TAB2: variants seen among roughly 807,000 people sequenced by gnomAD.
TAB2 encodes TGF-beta activated kinase 1 (MAP3K7) binding protein 2.
TAB2 carries 3 observed loss-of-function variants against 65.0 expected under a neutral mutation model. The observed-to-expected ratio is 0.05, with a 90% confidence interval of 0.02 to 0.12. The LOEUF (loss-of-function observed/expected upper bound fraction) is 0.12, where lower values mean the gene tolerates loss of function less well. Ranked by LOEUF, TAB2 falls within the 10% of genes least tolerant of loss-of-function variation. The pLI is 1.00. For missense variants in TAB2, 623 were observed against 840.3 expected (o/e 0.74, Z 3.20); for synonymous variants, 298 against 285.1 (o/e 1.05, Z -0.46).
intron 1 of TAB2, among the ~76,000 whole-genome samples, chr6:149,328,532 T>A (rs759750698): frequency 5.3e-5 from 8 of 152,184 alleles, no homozygotes; most frequent in Non-Finnish European, 8.8e-5. Flanking sequence ...GACCTTGTGA[T>A]TGGCCCGCCT....
intron 1 of TAB2, among the ~76,000 whole-genome samples, chr6:149,287,756 C>T (rs1280123829): frequency 1.3e-5 from 2 of 152,114 alleles, no homozygotes; most frequent in Non-Finnish European, 2.9e-5. Context: ...TCACTATTCC[C>T]TGTGGAGAGA....
chr6:149,394,186 C>A (rs956392067), intron 3 of TAB2, among the ~76,000 whole-genome samples: 1 of 152,040 alleles, frequency 6.6e-6, no homozygotes, highest in African/African-American at 2.4e-5. Flanking sequence ...ACTGATTCTT[C>A]TGTGTCCAGT....
At chr6:149,361,638 G>A (rs1056180859) in intron 1 of TAB2, among the ~76,000 whole-genome samples, 1 of 152,166 alleles carries the variant, frequency 6.6e-6, no homozygotes, top group Admixed American at 6.5e-5. Context: ...AGCAAGTGGT[G>A]AGTCCACTTG....
At chr6:149,231,050 C>T (rs893984107) in intron 1 of TAB2, among the ~76,000 whole-genome samples, 3 of 152,190 alleles carry the variant, frequency 2.0e-5, no homozygotes, top group African/African-American at 7.2e-5. Context: ...TCAGAAGGAA[C>T]CCTGTGAGAT....
intron 3 of TAB2, among the ~76,000 whole-genome samples, chr6:149,389,699 C>T (rs1781921440): frequency 1.3e-5 from 2 of 151,240 alleles, no homozygotes; most frequent in African/African-American, 4.9e-5. Flanking sequence ...ATCACTCCCA[C>T]GTCGCATAAT....
At chr6:149,249,472 TTCTCTC>T (rs1010958001) in intron 1 of TAB2, among the ~76,000 whole-genome samples, 2 of 149,746 alleles carry the variant, frequency 1.3e-5, no homozygotes, top group African/African-American at 4.9e-5. Context: ...ATCTCTGTCT[TTCTCTC>T]TGTCTCTCTC....
At chr6:149,365,551 A>T (rs1781013471) in intron 1 of TAB2, among the ~76,000 whole-genome samples, 2 of 150,802 alleles carry the variant, frequency 1.3e-5, no homozygotes, top group African/African-American at 2.4e-5. Context: ...TGTTTTCAAG[A>T]TTTTCTTTTT....
At chr6:149,253,985 AG>A (rs1173891804) in intron 1 of TAB2, among the ~76,000 whole-genome samples, 1 of 147,914 alleles carries the variant, frequency 6.8e-6, no homozygotes, top group African/African-American at 2.5e-5. Context: ...AAAGAAAGAA[AG>A]AAAGAAAGAA....
chr6:149,381,346 A>C (rs569241115), intron 3 of TAB2, among the ~76,000 whole-genome samples: 1 of 152,270 alleles, frequency 6.6e-6, no homozygotes, highest in Admixed American at 6.5e-5. Context: ...CTTCTCCCAA[A>C]GTCACCTTCT....
At chr6:149,367,474 TAGA>T (rs1199875799) in intron 1 of TAB2, among the ~76,000 whole-genome samples, 1 of 151,852 alleles carries the variant, frequency 6.6e-6, no homozygotes, top group Non-Finnish European at 1.5e-5. Context: ...AAGGAGAGGG[TAGA>T]AGATGAAGTT....
intron 1 of TAB2, among the ~76,000 whole-genome samples, chr6:149,298,682 G>T (rs934541054): frequency 1.3e-5 from 2 of 151,574 alleles, no homozygotes; most frequent in Non-Finnish European, 1.5e-5. Context: ...TGAGCTTCAG[G>T]TTTTTCTCAT....
chr6:149,228,751 T>A (rs1009204416), intron 1 of TAB2, among the ~76,000 whole-genome samples: 29 of 152,262 alleles, frequency 1.9e-4, no homozygotes, highest in Non-Finnish European at 2.2e-4. Flanking sequence ...CCTTTAAATG[T>A]GTTCGGTTTA....
In TAB2 at chr6:149,378,311, A is replaced by G. The variant is rs1781476034; in HGVS notation, c.396A>G (p.Gln132=). The G allele has an allele frequency of 1.2e-6, 2 of 1,614,088 alleles. No individual in the cohort carries two copies. The highest frequency in any genetic ancestry group is 1.3e-5 in the African/African-American group (1 of 74,930). ...FQQEPQTAPA[Q]VPQGFNVFGM... ...AGGAGCCACAGACAGCACCAGCTCA[A>G]GTTCCTCAAGGCTTTAATGTTTTTG... Residue 132 remains glutamine (Q), a synonymous_variant, in exon 3 of 7, where the codon CAA becomes CAG. Coordinates refer to ENST00000637181, the MANE Select transcript of TAB2 (RefSeq NM_001292034.3).
intron 1 of TAB2, among the ~76,000 whole-genome samples, chr6:149,330,379 C>T (rs1779746900): frequency 6.6e-6 from 1 of 152,132 alleles, no homozygotes; most frequent in South Asian, 2.1e-4. Flanking sequence ...CAGACTTTTC[C>T]AGAGTAGCTG....
chr6:149,316,637 T>TC (rs398110810), upstream of TAB2, among the ~76,000 whole-genome samples: 41 of 151,830 alleles, frequency 2.7e-4, no homozygotes, highest in East Asian at 9.7e-4. Flanking sequence ...GCTTTTTTTT[T>TC]CCCTAGGGGG....
intron 1 of TAB2, among the ~76,000 whole-genome samples, chr6:149,297,053 C>CCTCTCT (rs201204793): frequency 6.6e-6 from 1 of 151,112 alleles, no homozygotes; most frequent in African/African-American, 2.4e-5. Flanking sequence ...TCTCATTCAT[C>CCTCTCT]CTCTCTATCT....
chr6:149,333,708 A>AGTGT (rs61004397), intron 1 of TAB2, among the ~76,000 whole-genome samples: 19,245 of 144,736 alleles, frequency 0.13, 1,286 homozygotes, highest in Non-Finnish European at 0.16. Flanking sequence ...CCAGATCCAT[A>AGTGT]GTGTGTGTGT....
chr6:149,388,703 C>T (rs1781881385), intron 3 of TAB2, among the ~76,000 whole-genome samples: 1 of 152,076 alleles, frequency 6.6e-6, no homozygotes, highest in Non-Finnish European at 1.5e-5. Context: ...TGAGGTTGAA[C>T]ATCTTTTCAT....
chr6:149,279,961 C>T (rs1331976930), intron 1 of TAB2, among the ~76,000 whole-genome samples: 2 of 152,222 alleles, frequency 1.3e-5, no homozygotes, highest in African/African-American at 4.8e-5. Flanking sequence ...CCTTTCTTTG[C>T]TTACTGCCAC....
Sources: gnomAD v4.1 joint callset for allele counts (sites outside exome capture counted in the v4.1 genomes callset) on GRCh38, gnomAD v4.1.1 for gene constraint, MANE v1.5 for transcripts, NCBI Gene and HGNC (gene_info 2026-07-23, HGNC 2026-07-21) for gene names.